The following TBC1D9 variants were observed in gnomAD, a reference collection of about 807,000 sequenced individuals.
TBC1D9 encodes TBC1 domain family member 9.
Under a neutral mutation model 132.0 loss-of-function variants are expected in TBC1D9, and 63 were observed. That is an observed-to-expected ratio of 0.48 (90% CI 0.39 to 0.59). TBC1D9 has a LOEUF of 0.59. Among genes scored for constraint, TBC1D9 ranks in the 20% least tolerant of loss-of-function variants. The pLI is 0.00. For synonymous variants in TBC1D9, 610 were observed against 609.9 expected (o/e 1.00, Z 0.00); for missense variants, 1,261 against 1,592.7 (o/e 0.79, Z 3.54).
chr4:140,644,020 G>C (rs1025590898), intron 13 of TBC1D9: 4 of 488,140 alleles, frequency 8.2e-6, no homozygotes, highest in African/African-American at 2.0e-5. Context: ...ATCTTGGAGG[G>C]GGACAGGAGG....
intron 11 of TBC1D9, among the ~76,000 whole-genome samples, chr4:140,658,747 G>A (rs1015885227): frequency 1.3e-5 from 2 of 151,632 alleles, no homozygotes; most frequent in Non-Finnish European, 2.9e-5. Flanking sequence ...GGAGGCGGAG[G>A]TTGTAGTGAG....
At chr4:140,721,520 T>C (rs1461406525) in intron 1 of TBC1D9, among the ~76,000 whole-genome samples, 3 of 152,132 alleles carry the variant, frequency 2.0e-5, no homozygotes, top group Non-Finnish European at 4.4e-5. Flanking sequence ...CATCAGCTTC[T>C]AGGATAAGTT....
At chr4:140,692,462 C>T (rs1258185308) in intron 2 of TBC1D9, among the ~76,000 whole-genome samples, 1 of 152,112 alleles carries the variant, frequency 6.6e-6, no homozygotes, top group Non-Finnish European at 1.5e-5. Context: ...ACTGGAGCAA[C>T]CTTTAATCTG....
At chr4:140,749,033 G>A (rs1738881873) in intron 1 of TBC1D9, among the ~76,000 whole-genome samples, 1 of 151,988 alleles carries the variant, frequency 6.6e-6, no homozygotes, top group African/African-American at 2.4e-5. Flanking sequence ...CATGGTCTTT[G>A]CAATCTATGA....
intron 6 of TBC1D9, among the ~76,000 whole-genome samples, chr4:140,675,674 G>A (rs1205720669): frequency 1.3e-5 from 2 of 152,160 alleles, no homozygotes; most frequent in Admixed American, 6.5e-5. Flanking sequence ...TTAAAACAGA[G>A]ATCTAAAACT....
chr4:140,715,514 C>G (rs182056989), intron 1 of TBC1D9, among the ~76,000 whole-genome samples: 1 of 152,308 alleles, frequency 6.6e-6, no homozygotes, highest in Admixed American at 6.5e-5. Context: ...CTAACTAACC[C>G]CTTTGGCTCC....
chr4:140,665,263 AT>A (rs1737426050), intron 9 of TBC1D9, among the ~76,000 whole-genome samples: 2 of 152,264 alleles, frequency 1.3e-5, no homozygotes, highest in East Asian at 1.9e-4. Flanking sequence ...TTAAAATTAA[AT>A]TTTTTTGTGC....
At chr4:140,662,711 G>A (rs1375207199) in intron 9 of TBC1D9, among the ~76,000 whole-genome samples, 1 of 152,150 alleles carries the variant, frequency 6.6e-6, no homozygotes, top group African/African-American at 2.4e-5. Context: ...TGTTGGGGAT[G>A]GGGATGGAGG....
rs770379695 is a variant in TBC1D9 at position 140,634,145 on chromosome 4, G to C, written c.2549C>G (p.Ala850Gly). The stretch of plus-strand genomic sequence containing the variant: ...CAGGCTGGGGTCATGCCGGTCCAGC[G>C]CGTTGCTGCTCCCGCCCCAGTAGCA... ...TSCYWGGSSNALDRHDPSLPY... is the reference protein window; with the variant it reads ...TSCYWGGSSNGLDRHDPSLPY... Residue 850 changes from alanine (A) to glycine (G), a missense_variant, in exon 16 of 21, where the codon GCG becomes GGG. Transcript: ENST00000442267. 1.9e-6 allele frequency: 3 copies of C among 1,613,716 alleles called. No individual in the cohort carries two copies. The African/African-American group carries it at 4.0e-5, about 22-fold the overall frequency.
chr4:140,647,921 G>T, intron 13 of TBC1D9, among the ~76,000 whole-genome samples: 1 of 150,754 alleles, frequency 6.6e-6, no homozygotes, highest in South Asian at 2.1e-4. Context: ...CCCGACTTTG[G>T]GGGGGGTCTC....
At chr4:140,686,611 GAC>G (rs895369051) in intron 2 of TBC1D9, 149 bp from the exon 3 acceptor site, 5 of 575,010 alleles carry the variant, frequency 8.7e-6, no homozygotes, top group East Asian at 2.9e-5. Context: ...CTCCAGAGGA[GAC>G]ACACACACAA....
At chr4:140,654,977 GTAAA>G in intron 13 of TBC1D9, among the ~76,000 whole-genome samples, 1 of 152,050 alleles carries the variant, frequency 6.6e-6, no homozygotes, top group African/African-American at 2.4e-5. Flanking sequence ...AGGGAACTAG[GTAAA>G]TAAATTTTGT....
intron 1 of TBC1D9, among the ~76,000 whole-genome samples, chr4:140,742,425 A>G (rs1290057061): frequency 6.7e-6 from 1 of 150,154 alleles, no homozygotes; most frequent in Non-Finnish European, 1.5e-5. Flanking sequence ...CCAGTTACTC[A>G]GGAGGCTGAG....
chr4:140,715,191 A>G (rs1438543163), intron 1 of TBC1D9, among the ~76,000 whole-genome samples: 1 of 152,196 alleles, frequency 6.6e-6, no homozygotes, highest in Non-Finnish European at 1.5e-5. Context: ...CTGTTTTAAT[A>G]TTAATACTGG....
chr4:140,707,018 A>T lies in TBC1D9; in HGVS notation c.131-5404T>A, dbSNP rs184425280. 1.8e-3 allele frequency among the ~76,000 whole-genome samples: 270 copies of T among 152,314 alleles called. 1 individual carries two copies. Among genetic ancestry groups the T allele is most frequent in the African/African-American group, 5.9e-3 (244 of 41,568 alleles). On this transcript the variant is annotated intron_variant, in intron 1 of 20. Transcript: ENST00000442267. ...GAATGGAATTGTCAGGTCCTAGGGTAAGTTCATTTCTAAACCTTATTAGAT... is the reference window on the plus strand; with the variant it reads ...GAATGGAATTGTCAGGTCCTAGGGTTAGTTCATTTCTAAACCTTATTAGAT...
At chr4:140,652,605 G>C (rs1302294456) in intron 13 of TBC1D9, among the ~76,000 whole-genome samples, 1 of 152,160 alleles carries the variant, frequency 6.6e-6, no homozygotes. Context: ...CTCTTCCTTG[G>C]ATACTGGCTG....
chr4:140,645,299 T>C, intron 13 of TBC1D9: 1 of 510,808 alleles, frequency 2.0e-6, no homozygotes. Flanking sequence ...CAGAGGGTGC[T>C]CCTGGTCTGC....
rs1489806979 is a variant in TBC1D9, at chr4:140,689,386, C to G, written c.242-2924G>C. On this transcript the variant is annotated intron_variant, in intron 2 of 20. Coordinates refer to ENST00000442267, the MANE Select transcript of TBC1D9 (RefSeq NM_015130.3). ...CAAGCTGCTTTCAAAGCTTCCCTTCCTCCTTCCTTCCCCGCTTCCCTTCCC... is the reference window on the plus strand; with the variant it reads ...CAAGCTGCTTTCAAAGCTTCCCTTCGTCCTTCCTTCCCCGCTTCCCTTCCC... 2.6e-5 allele frequency among the ~76,000 whole-genome samples: 4 copies of G among 151,666 alleles called. No individual in the cohort carries two copies. In the East Asian group the frequency reaches 7.8e-4, roughly 30 times the overall value.
intron 6 of TBC1D9, among the ~76,000 whole-genome samples, chr4:140,676,480 C>T (rs1275278459): frequency 5.3e-5 from 8 of 152,110 alleles, no homozygotes. Context: ...TGGTGAAACT[C>T]CATCTCTACT....
Sources: allele counts gnomAD v4.1 joint callset (sites outside exome capture counted in the v4.1 genomes callset), GRCh38; gene constraint gnomAD v4.1.1; transcripts MANE v1.5; gene names NCBI Gene and HGNC (gene_info 2026-07-23, HGNC 2026-07-21).